IFT172: variants seen among roughly 807,000 people sequenced by gnomAD.
The protein encoded by IFT172 is intraflagellar transport protein 172 homolog.
In IFT172, 164 loss-of-function variants were observed where a neutral mutation model predicts 248.9. The observed-to-expected ratio is 0.66, with a 90% CI of 0.58 to 0.75. The LOEUF is 0.75. Ranked by LOEUF, IFT172 falls within the 30% of genes least tolerant of loss-of-function variation. The probability of loss-of-function intolerance (pLI) is 0.00; values close to 1 mark genes in which losing one functional copy is unlikely to be tolerated. For synonymous variants in IFT172, 729 were observed against 791.6 expected, an observed-to-expected ratio of 0.92 and a Z score of 1.33; for missense variants, 1,950 against 2,192.4, an observed-to-expected ratio of 0.89 and a Z score of 2.21.
At chr2:27,479,663 G>GT in intron 9 of IFT172, 59 bp from the exon 10 acceptor site, 4 of 1,076,578 alleles carry the variant, frequency 3.7e-6, no homozygotes, top group Non-Finnish European at 5.8e-6. Flanking sequence ...CATGGGGAGA[G>GT]TATCTAGAGA....
intron 35 of IFT172, among the ~76,000 whole-genome samples, chr2:27,452,170 C>T (rs895033151): frequency 2.0e-5 from 3 of 152,216 alleles, no homozygotes; most frequent in South Asian, 2.1e-4. Context: ...AGACCTCATC[C>T]AATCATTTCA....
At position 27,481,786 on chromosome 2, in the gene IFT172, G is replaced by A. The variant is rs545416294; in HGVS notation, c.571-526C>T. The stretch of plus-strand genomic sequence containing the variant: ...GAACTCCTGACCTTGTGATCAGCCC[G>A]TCTCAGCCTCCCAAAGTGCTGGGAT... On this transcript the variant is annotated intron_variant, in intron 7 of 47. Coordinates refer to ENST00000260570, the MANE Select transcript of IFT172 (RefSeq NM_015662.3). 6.6e-5 allele frequency among the ~76,000 whole-genome samples: 10 copies of A among 151,558 alleles called. No homozygotes were observed. The East Asian group carries it at 1.2e-3, about 18-fold the overall frequency.
chr2:27,444,583 C>T (rs1664861686), intron 47 of IFT172, 62 bp from the exon 48 acceptor site: 2 of 1,313,472 alleles, frequency 1.5e-6, no homozygotes, highest in Non-Finnish European at 2.2e-6. Flanking sequence ...AAATCAGCTC[C>T]ATCGCAGGCT....
chr2:27,484,176 C>T (rs1258082502), intron 4 of IFT172, 51 bp downstream of exon 4: 1 of 1,609,144 alleles, frequency 6.2e-7, no homozygotes, highest in East Asian at 2.2e-5. Context: ...AGTAGATATA[C>T]TGATATATGT....
chr2:27,478,779 T>G (rs1668145447), intron 10 of IFT172, among the ~76,000 whole-genome samples: 1 of 152,104 alleles, frequency 6.6e-6, no homozygotes, highest in South Asian at 2.1e-4. Flanking sequence ...AACCAATGTA[T>G]AATAAATGGA....
chr2:27,458,981 GTAA>G (rs1191739208), intron 25 of IFT172, 113 bp from the exon 26 acceptor site: 4 of 1,035,794 alleles, frequency 3.9e-6, no homozygotes, highest in Non-Finnish European at 5.6e-6. Flanking sequence ...ATACAACCTT[GTAA>G]TAATAGAGAA....
Position 27,457,500 on chromosome 2 carries a change from A to C in IFT172, c.3228+139T>G, listed in dbSNP as rs138510859. 1.9e-5 allele frequency: 13 copies of C among 694,458 alleles called. 1 individual carries two copies. In the East Asian group the frequency reaches 2.9e-4, roughly 15 times the overall value. The allele number at this position is 694,458 out of a possible 1,614,324, so 43.0% of individuals were successfully genotyped here. A position where few individuals can be genotyped will look rare whatever the true frequency, so the allele number is the denominator to read the frequency against. Reference sequence around the variant, plus strand: ...GTGGGAGGATCGAGTGCTTAAGCCCAGGAGGTCAAGGCTGCAGTGAGCCAT... The same window carrying C: ...GTGGGAGGATCGAGTGCTTAAGCCCCGGAGGTCAAGGCTGCAGTGAGCCAT... On this transcript the variant is annotated intron_variant, in intron 29 of 47. Coordinates refer to ENST00000260570, the MANE Select transcript of IFT172 (RefSeq NM_015662.3).
At chr2:27,465,611 G>A (rs1667029789) in intron 17 of IFT172, 93 bp from the exon 18 acceptor site, 2 of 1,526,880 alleles carry the variant, frequency 1.3e-6, no homozygotes, top group African/African-American at 1.4e-5. Context: ...AGGGGGAAGG[G>A]CCATCTTTGT....
At chr2:27,470,846 A>T in intron 16 of IFT172, 82 bp downstream of exon 16, 1 of 1,382,386 alleles carries the variant, frequency 7.2e-7, no homozygotes, top group Non-Finnish European at 9.7e-7. Flanking sequence ...GACACAGAAA[A>T]CCAAGTAGCC....
chr2:27,461,138 G>T, intron 22 of IFT172, 45 bp from the exon 23 acceptor site: 1 of 1,613,870 alleles, frequency 6.2e-7, no homozygotes, highest in South Asian at 1.1e-5. Context: ...ACAACACAAA[G>T]AACTAAGTAT....
chr2:27,489,576 T>C (rs962746224), intron 1 of IFT172, 39 bp downstream of exon 1: 1 of 1,553,134 alleles, frequency 6.4e-7, no homozygotes, highest in African/African-American at 1.4e-5. Context: ...TCTTGGAACA[T>C]AAAGCATAAG....
intron 11 of IFT172, 55 bp from the exon 12 acceptor site, chr2:27,477,667 G>A (rs1052997312): frequency 3.5e-5 from 42 of 1,198,192 alleles, no homozygotes; most frequent in South Asian, 1.9e-4. Context: ...AGATAATGCC[G>A]AAAGAATGAA....
At chr2:27,489,545 A>C (rs2148567243) in intron 1 of IFT172, 70 bp downstream of exon 1, 1 of 1,187,734 alleles carries the variant, frequency 8.4e-7, no homozygotes. Flanking sequence ...CAACATCATT[A>C]AACTTCAGTT....
chr2:27,445,992 C>T lies in IFT172; in HGVS notation c.4756-4G>A, dbSNP rs1665054029. ...CCATGTTATCCCAGCCAACTGCCTG[C>T]AGCAAAGAAGAGTTGCAAATGGGAG... is the stretch of plus-strand genomic sequence containing the variant. On this transcript the variant is annotated splice_region_variant and splice_polypyrimidine_tract_variant and intron_variant, in intron 43 of 47. Transcript: ENST00000260570. The surrounding 1 kb of genome is among the most constrained non-coding windows in gnomAD (Gnocchi z 4.4). 1 of 1,614,096 alleles carries T rather than the reference C, an allele frequency of 6.2e-7. No homozygotes were observed. The highest frequency in any genetic ancestry group is 1.3e-5 in the African/African-American group (1 of 74,920).
At chr2:27,477,917 C>T in intron 11 of IFT172, 78 bp downstream of exon 11, 1 of 1,558,668 alleles carries the variant, frequency 6.4e-7, no homozygotes, top group African/African-American at 1.4e-5. Flanking sequence ...GAGAGCTTAC[C>T]CCTAGGGATT....
At chr2:27,456,722 T>A in intron 29 of IFT172, 69 bp from the exon 30 acceptor site, 1 of 1,562,278 alleles carries the variant, frequency 6.4e-7, no homozygotes, top group Non-Finnish European at 8.7e-7. Context: ...GACCTCGGCT[T>A]TGACAAGGAT....
chr2:27,470,801 A>G lies in IFT172; in HGVS notation c.1692+127T>C, dbSNP rs1008991987. The G allele has an allele frequency of 6.5e-6, 6 of 916,834 alleles. No homozygotes were observed. The African/African-American group carries it at 1.0e-4, about 16-fold the overall frequency. The allele number at this position is 916,834 out of a possible 1,614,324, so 56.8% of individuals were successfully genotyped here. A position where few individuals can be genotyped will look rare whatever the true frequency, so the allele number is the denominator to read the frequency against. On this transcript the variant is annotated intron_variant, in intron 16 of 47. Transcript: ENST00000260570. Reference sequence around the variant, plus strand: ...GGGCTGGTCCATAAGTCTAAGCTTTATTTGCCAATTCTATCACAGAGATTA... The same window carrying G: ...GGGCTGGTCCATAAGTCTAAGCTTTGTTTGCCAATTCTATCACAGAGATTA...
rs144450109 is a variant in IFT172, at chr2:27,458,790, G to A, written c.2866C>T (p.Gln956Ter). 5.0e-6 allele frequency: 8 copies of A among 1,614,124 alleles called. No individual in the cohort carries two copies. Among genetic ancestry groups the A allele is most frequent in the Non-Finnish European group, 4.2e-6 (5 of 1,180,022 alleles). ...DMYTQAGRWE[Q>*]AHKLAMKCMR... Reference sequence around the variant, plus strand: ...CCACCCATCCCTACCTTGTGGGCTTGTTCCCAACGACCAGCCTGGGTGTAC... The same window carrying A: ...CCACCCATCCCTACCTTGTGGGCTTATTCCCAACGACCAGCCTGGGTGTAC... Residue 956 changes from glutamine (Q) to a stop codon, truncating the protein, a stop_gained, in exon 26 of 48, where the codon CAA becomes TAA. Coordinates refer to ENST00000260570, the MANE Select transcript of IFT172 (RefSeq NM_015662.3). LOFTEE classifies it high-confidence loss of function.
chr2:27,448,854 TGG>T, intron 40 of IFT172, 59 bp downstream of exon 40: 1 of 823,556 alleles, frequency 1.2e-6, no homozygotes. Context: ...AGAAGATAGG[TGG>T]TTCTAGAGGA....
Sources: allele counts gnomAD v4.1 joint callset (sites outside exome capture counted in the v4.1 genomes callset), GRCh38; gene constraint gnomAD v4.1.1; non-coding constraint Gnocchi (gnomAD v3.1); transcripts MANE v1.5; gene names NCBI Gene and HGNC (gene_info 2026-07-23, HGNC 2026-07-21).